GALNT13: variants seen among roughly 807,000 people sequenced by gnomAD.
GALNT13 encodes polypeptide N-acetylgalactosaminyltransferase 13, also known as UDP-GalNAc:polypeptide N-acetylgalactosaminyltransferase 13.
Under a neutral mutation model 64.2 loss-of-function variants are expected in GALNT13, and 28 were observed. The ratio of observed to expected loss-of-function variants is 0.44; its 90% CI spans 0.32 to 0.60. The LOEUF (loss-of-function observed/expected upper bound fraction) is 0.60, where lower values mean the gene tolerates loss of function less well. Ranked by LOEUF, GALNT13 falls within the 20% of genes least tolerant of loss-of-function variation. GALNT13 has a pLI of 0.05. For missense variants in GALNT13, 577 were observed against 669.8 expected (o/e 0.86, Z 1.53); for synonymous variants, 214 against 224.6 (o/e 0.95, Z 0.42).
intron 9 of GALNT13, among the ~76,000 whole-genome samples, chr2:154,333,545 A>C (rs1398787524): frequency 1.3e-5 from 2 of 152,112 alleles, no homozygotes; most frequent in Non-Finnish European, 2.9e-5. Flanking sequence ...ATAATTGATG[A>C]AAGCAAAAAC....
At chr2:153,105,823 C>G in the GALNT13 span, among the ~76,000 whole-genome samples, 1 of 152,188 alleles carries the variant, frequency 6.6e-6, no homozygotes, top group Admixed American at 6.6e-5. Context: ...TGTGAAGGAC[C>G]TCTTCAAGGA....
rs192899214 is a variant in GALNT13 at position 153,989,605 on chromosome 2, G to C, written c.142+44966G>C. On this transcript the variant is annotated intron_variant, in intron 3 of 12. Transcript: ENST00000392825. ...GAGTACTCTTGGCAAGGTGGATTAC[G>C]TAAGGAAAGGTATATGGGTGTAGCA... Among the ~76,000 whole-genome samples the C allele has an allele frequency of 7.9e-5, 12 of 152,004 alleles. No individual in the cohort carries two copies. The East Asian group carries it at 2.1e-3, about 27-fold the overall frequency.
chr2:154,308,068 G>T (rs1440825432), intron 9 of GALNT13, among the ~76,000 whole-genome samples: 1 of 152,066 alleles, frequency 6.6e-6, no homozygotes, highest in African/African-American at 2.4e-5. Context: ...TCCTTTACTT[G>T]ATGGACACTC....
At chr2:153,119,986 T>C in the GALNT13 span, among the ~76,000 whole-genome samples, 1 of 152,328 alleles carries the variant, frequency 6.6e-6, no homozygotes, top group African/African-American at 2.4e-5. Context: ...CTTGGAATGC[T>C]TCTCTCAGGA....
upstream of GALNT13, among the ~76,000 whole-genome samples, chr2:153,871,235 A>G (rs1280052361): frequency 6.6e-6 from 1 of 152,060 alleles, no homozygotes; most frequent in African/African-American, 2.4e-5. Context: ...TCAAAGCCCC[A>G]CTTTTTTCTT....
chr2:153,764,302 C>T, the GALNT13 span, among the ~76,000 whole-genome samples: 2 of 152,048 alleles, frequency 1.3e-5, no homozygotes, highest in Non-Finnish European at 2.9e-5. Context: ...TTTGGGAGGC[C>T]AAGGAGGGCA....
intron 9 of GALNT13, among the ~76,000 whole-genome samples, chr2:154,384,852 G>A (rs1416394969): frequency 2.6e-5 from 4 of 151,702 alleles, no homozygotes; most frequent in Non-Finnish European, 5.9e-5. Flanking sequence ...TTTTTATCTT[G>A]GTACTTTTTT....
the GALNT13 span, among the ~76,000 whole-genome samples, chr2:153,655,874 A>G: frequency 2.6e-5 from 4 of 152,130 alleles, no homozygotes; most frequent in African/African-American, 9.6e-5. Flanking sequence ...ACTAAGGTAG[A>G]TGTTACAAAG....
At chr2:154,269,906 G>GTATATA (rs67387315) in intron 8 of GALNT13, among the ~76,000 whole-genome samples, 5,402 of 96,850 alleles carry the variant, frequency 0.056, 457 homozygotes, top group Non-Finnish European at 0.068. Flanking sequence ...ATATATATGT[G>GTATATA]TATATATATA....
chr2:153,404,389 C>G, the GALNT13 span, among the ~76,000 whole-genome samples: 1 of 152,152 alleles, frequency 6.6e-6, no homozygotes, highest in African/African-American at 2.4e-5. Context: ...AAATCCAATG[C>G]CTGCACTGGC....
rs557242472 is a variant in GALNT13 at position 154,014,225 on chromosome 2, C to A, written c.142+69586C>A. ...CCCCCGACAAACCTTCTGAGCTATGCCCAGGTTGGAGTCCTGGCACTGGCA... is the reference window on the plus strand; with the variant it reads ...CCCCCGACAAACCTTCTGAGCTATGACCAGGTTGGAGTCCTGGCACTGGCA... On this transcript the variant is annotated intron_variant, in intron 3 of 12. Coordinates refer to ENST00000392825, the MANE Select transcript of GALNT13 (RefSeq NM_052917.4). 3.3e-5 allele frequency among the ~76,000 whole-genome samples: 5 copies of A among 152,286 alleles called. No homozygotes were observed. In the South Asian group the frequency reaches 1.0e-3, roughly 32 times the overall value.
the GALNT13 span, among the ~76,000 whole-genome samples, chr2:153,429,966 T>G: frequency 6.6e-6 from 1 of 152,122 alleles, no homozygotes; most frequent in African/African-American, 2.4e-5. Context: ...CTAATAGACA[T>G]AAGAATATGT....
At chr2:154,456,488 G>A (rs570944857), downstream of GALNT13, among the ~76,000 whole-genome samples, 9 of 151,828 alleles carry the variant, frequency 5.9e-5, no homozygotes, top group South Asian at 2.1e-4. Flanking sequence ...GATAAACAAC[G>A]TCACTATTTT....
chr2:153,719,680 G>A, the GALNT13 span, among the ~76,000 whole-genome samples: 9 of 152,080 alleles, frequency 5.9e-5, no homozygotes, highest in African/African-American at 2.2e-4. Context: ...TTCCCTTTCC[G>A]AGTCAAAGAA....
chr2:153,092,182 A>G, the GALNT13 span, among the ~76,000 whole-genome samples: 1 of 152,072 alleles, frequency 6.6e-6, no homozygotes, highest in African/African-American at 2.4e-5. Flanking sequence ...TGAGTTCTCT[A>G]TTCTGTTCCT....
At chr2:153,135,774 A>T in the GALNT13 span, among the ~76,000 whole-genome samples, 1 of 152,048 alleles carries the variant, frequency 6.6e-6, no homozygotes, top group African/African-American at 2.4e-5. Context: ...GGCACTTATT[A>T]GGGTATATTT....
At chr2:154,360,734 G>A (rs1401420168) in intron 9 of GALNT13, among the ~76,000 whole-genome samples, 1 of 152,026 alleles carries the variant, frequency 6.6e-6, no homozygotes, top group Non-Finnish European at 1.5e-5. Context: ...AACATACTGT[G>A]TACTAGAAAT....
At chr2:153,127,573 C>T in the GALNT13 span, among the ~76,000 whole-genome samples, 1 of 152,178 alleles carries the variant, frequency 6.6e-6, no homozygotes, top group Admixed American at 6.5e-5. Flanking sequence ...TAGTGATATC[C>T]AAACACCAGT....
intron 2 of GALNT13, among the ~76,000 whole-genome samples, chr2:153,925,710 G>A (rs1418312490): frequency 6.6e-6 from 1 of 151,920 alleles, no homozygotes; most frequent in Admixed American, 6.6e-5. Flanking sequence ...TTTTCCATTT[G>A]TTTTGTGTCA....
Sources: gnomAD v4.1 joint callset for allele counts (sites outside exome capture counted in the v4.1 genomes callset) on GRCh38, gnomAD v4.1.1 for gene constraint, MANE v1.5 for transcripts, NCBI Gene and HGNC (gene_info 2026-07-23, HGNC 2026-07-21) for gene names.